BCAS3: variants seen among roughly 807,000 people sequenced by gnomAD.
BCAS3 encodes the protein BCAS3 microtubule associated cell migration factor.
Under a neutral mutation model 116.1 loss-of-function variants are expected in BCAS3, and 53 were observed. The observed-to-expected ratio is 0.46, with a 90% CI of 0.37 to 0.57. BCAS3 has a LOEUF of 0.57. BCAS3 is among the 20% of genes least tolerant of loss of function. The pLI, the probability that BCAS3 is intolerant of heterozygous loss-of-function variation, is 0.00. For synonymous variants in BCAS3, 391 were observed against 408.2 expected (o/e 0.96, Z 0.51); for missense variants, 917 against 1,165.4 (o/e 0.79, Z 3.10).
At chr17:60,708,787 C>A (rs1419882173) in intron 4 of BCAS3, among the ~76,000 whole-genome samples, 3 of 152,144 alleles carry the variant, frequency 2.0e-5, no homozygotes, top group Non-Finnish European at 2.9e-5. Flanking sequence ...CCCAGCCTCC[C>A]AAAGTGCTGG....
At chr17:60,941,165 C>A (rs2060201902) in intron 13 of BCAS3, among the ~76,000 whole-genome samples, 1 of 152,214 alleles carries the variant, frequency 6.6e-6, no homozygotes, top group African/African-American at 2.4e-5. Flanking sequence ...GATAAACATA[C>A]AGAAGTGCCT....
chr17:61,050,035 C>G (rs557481161), intron 19 of BCAS3, among the ~76,000 whole-genome samples: 1 of 151,964 alleles, frequency 6.6e-6, no homozygotes, highest in Non-Finnish European at 1.5e-5. Flanking sequence ...GCCCAGCCAG[C>G]AGATATCTTT....
At chr17:61,304,160 C>T (rs1335768933) in intron 22 of BCAS3, among the ~76,000 whole-genome samples, 1 of 152,170 alleles carries the variant, frequency 6.6e-6, no homozygotes, top group African/African-American at 2.4e-5. Flanking sequence ...TCCCTATTAC[C>T]ACCCCCAAGT....
intron 7 of BCAS3, among the ~76,000 whole-genome samples, chr17:60,826,583 T>C (rs962035288): frequency 1.3e-5 from 2 of 152,208 alleles, no homozygotes; most frequent in African/African-American, 2.4e-5. Flanking sequence ...TTCTATACTG[T>C]CTGATTCTAA....
intron 3 of BCAS3, among the ~76,000 whole-genome samples, chr17:60,685,531 C>CAGACA (rs2033900238): frequency 6.6e-6 from 1 of 150,896 alleles, no homozygotes; most frequent in South Asian, 2.1e-4. Flanking sequence ...TTACTAGTTT[C>CAGACA]AGACAAGTTA....
chr17:60,716,003 C>T (rs560619237), intron 5 of BCAS3, among the ~76,000 whole-genome samples: 4 of 152,024 alleles, frequency 2.6e-5, no homozygotes, highest in South Asian at 4.1e-4. Flanking sequence ...GCTTGAATTA[C>T]GGGCATGCGC....
rs1294369044 is a variant in BCAS3, at chr17:61,020,760, G to T, written c.1637+4859G>T. 3.9e-5 allele frequency among the ~76,000 whole-genome samples: 6 copies of T among 152,076 alleles called. No individual in the cohort carries two copies. In the East Asian group the frequency reaches 1.2e-3, roughly 29 times the overall value. Reference sequence around the variant, plus strand: ...TCTATGTAACAATTCACAAAAAAATGTTCATCAATGAGCTTAATTTTATCT... The same window carrying T: ...TCTATGTAACAATTCACAAAAAAATTTTCATCAATGAGCTTAATTTTATCT... On this transcript the variant is annotated intron_variant, in intron 16 of 23. Coordinates refer to ENST00000407086, the MANE Select transcript of BCAS3 (RefSeq NM_017679.5). This position sits in a 1 kb window ranked among gnomAD's most constrained non-coding sequence, Gnocchi z 4.5.
At chr17:61,336,825 C>T (rs2056759053) in intron 22 of BCAS3, among the ~76,000 whole-genome samples, 1 of 152,170 alleles carries the variant, frequency 6.6e-6, no homozygotes, top group African/African-American at 2.4e-5. Flanking sequence ...GAACTTTATC[C>T]TTTCTGGCCA....
Position 61,026,972 on chromosome 17 carries a change from T to G in BCAS3, c.1638-7694T>G. ...TGCTGTACTCTCAAAAAGTAATTTGTTTTGTAGTTTTGTTTCCAGTTGCAT... is the reference window on the plus strand; with the variant it reads ...TGCTGTACTCTCAAAAAGTAATTTGGTTTGTAGTTTTGTTTCCAGTTGCAT... On this transcript the variant is annotated intron_variant, in intron 16 of 23. Transcript: ENST00000407086. This position sits in a 1 kb window ranked among gnomAD's most constrained non-coding sequence, Gnocchi z 5.0. 5 of 1,487,646 alleles carry G rather than the reference T, an allele frequency of 3.4e-6. No individual in the cohort carries two copies. Among genetic ancestry groups the G allele is most frequent in the Non-Finnish European group, 4.6e-6 (5 of 1,087,304 alleles). 92.2% of individuals were successfully genotyped at this position (1,487,646 alleles called of 1,614,324 possible).
intron 6 of BCAS3, among the ~76,000 whole-genome samples, chr17:60,777,785 C>G (rs1328351360): frequency 2.0e-5 from 3 of 152,128 alleles, no homozygotes; most frequent in Non-Finnish European, 4.4e-5. Flanking sequence ...GACAGGGCCC[C>G]CTCGGAAGTC....
chr17:60,740,506 A>G (rs945501160), intron 5 of BCAS3, among the ~76,000 whole-genome samples: 1 of 151,582 alleles, frequency 6.6e-6, no homozygotes, highest in Non-Finnish European at 1.5e-5. Flanking sequence ...CTCAAAAAAA[A>G]AAAAAAAAAG....
chr17:60,821,226 C>T (rs2049936995), intron 7 of BCAS3, among the ~76,000 whole-genome samples: 1 of 152,222 alleles, frequency 6.6e-6, no homozygotes, highest in African/African-American at 2.4e-5. Flanking sequence ...GGATTACAGG[C>T]ATGCGCCACC....
chr17:61,199,479 A>G lies in BCAS3; in HGVS notation c.2425+114915A>G, dbSNP rs1306971263. ...ATCACAACCAAATTTAGAATGTGACACCATTGTTTAGGTGTATGTGATTCA... is the reference window on the plus strand; with the variant it reads ...ATCACAACCAAATTTAGAATGTGACGCCATTGTTTAGGTGTATGTGATTCA... On this transcript the variant is annotated intron_variant, in intron 22 of 23. Coordinates refer to ENST00000407086, the MANE Select transcript of BCAS3 (RefSeq NM_017679.5). This position sits in a 1 kb window ranked among gnomAD's most constrained non-coding sequence, Gnocchi z 4.6. 6.6e-6 allele frequency among the ~76,000 whole-genome samples: 1 copy of G among 152,214 alleles called. No individual in the cohort carries two copies. Among genetic ancestry groups the G allele is most frequent in the Non-Finnish European group, 1.5e-5 (1 of 68,048 alleles).
chr17:61,079,499 G>A (rs994247187), intron 21 of BCAS3, among the ~76,000 whole-genome samples: 3 of 152,268 alleles, frequency 2.0e-5, no homozygotes, highest in East Asian at 1.9e-4. Flanking sequence ...CTAGAGTACG[G>A]CCGGCTGCCT....
intron 23 of BCAS3, among the ~76,000 whole-genome samples, chr17:61,374,820 A>G (rs1402333831): frequency 6.6e-6 from 1 of 152,166 alleles, no homozygotes; most frequent in Admixed American, 6.5e-5. Context: ...CTATTATTCT[A>G]AGAATTATCT....
chr17:60,808,621 G>A (rs182706160), intron 7 of BCAS3, among the ~76,000 whole-genome samples: 17 of 152,310 alleles, frequency 1.1e-4, no homozygotes, highest in Non-Finnish European at 2.2e-4. Flanking sequence ...ATTTCTTCAA[G>A]TGTAAATTTT....
rs2070331484 is a variant in BCAS3, at chr17:61,063,882, T to C, written c.2030-11038T>C. Among the ~76,000 whole-genome samples, 1 of 152,180 alleles carries C rather than the reference T, an allele frequency of 6.6e-6. No homozygotes were observed. The highest frequency in any genetic ancestry group is 1.5e-5 in the Non-Finnish European group (1 of 68,046). ...ACTGAAGACTTCATCTTCAATACCA[T>C]CTTGTCCCTTCTTAAAACGAACTAT... On this transcript the variant is annotated intron_variant, in intron 19 of 23. Coordinates refer to ENST00000407086, the MANE Select transcript of BCAS3 (RefSeq NM_017679.5). This position sits in a 1 kb window ranked among gnomAD's most constrained non-coding sequence, Gnocchi z 5.3.
chr17:60,693,541 A>C (rs1451603057), intron 4 of BCAS3, among the ~76,000 whole-genome samples: 1 of 151,226 alleles, frequency 6.6e-6, no homozygotes, highest in Admixed American at 6.6e-5. Flanking sequence ...CAGCCTCCTT[A>C]GTAGCTTGGA....
chr17:61,129,404 C>T (rs980210491), intron 22 of BCAS3, among the ~76,000 whole-genome samples: 8 of 152,216 alleles, frequency 5.3e-5, no homozygotes, highest in African/African-American at 1.9e-4. Flanking sequence ...CTTTTTATAG[C>T]TCTCAGAAGA....
Sources: gnomAD v4.1 joint callset for allele counts (sites outside exome capture counted in the v4.1 genomes callset) on GRCh38, gnomAD v4.1.1 for gene constraint, Gnocchi (gnomAD v3.1) non-coding constraint, MANE v1.5 for transcripts, NCBI Gene and HGNC (gene_info 2026-07-23, HGNC 2026-07-21) for gene names.